The following NUP62CL variants were observed in gnomAD, a reference collection of about 807,000 sequenced individuals.
NUP62CL encodes nucleoporin-62 C-terminal-like protein.
A neutral mutation model predicts 15.3 loss-of-function variants in NUP62CL; 13 were observed. That is an observed-to-expected ratio of 0.85 (90% CI 0.55 to 1.35). The LOEUF (loss-of-function observed/expected upper bound fraction) is 1.35, where lower values mean the gene tolerates loss of function less well. Among genes scored for constraint, NUP62CL ranks in the 40% most tolerant of loss-of-function variants. The pLI is 0.00. For missense variants in NUP62CL, 123 were observed against 130.6 expected (o/e 0.94, Z 0.28); for synonymous variants, 54 against 49.2 (o/e 1.10, Z -0.41).
intron 8 of NUP62CL, among the ~76,000 whole-genome samples, chrX:107,141,084 A>G (rs1009328002): frequency 4.4e-5 from 5 of 112,714 alleles, no homozygotes; most frequent in African/African-American, 1.3e-4. Flanking sequence ...CAAAATGTAC[A>G]TAAGTAGGAT....
intron 8 of NUP62CL, among the ~76,000 whole-genome samples, chrX:107,130,644 A>C (rs1482262024): frequency 8.9e-6 from 1 of 111,829 alleles, no homozygotes; most frequent in Non-Finnish European, 1.9e-5. Context: ...CAAGAAAGCA[A>C]CAATTAAGGA....
chrX:107,202,731 C>G (rs1306290122), intron 1 of NUP62CL: 1 of 102,803 alleles, frequency 9.7e-6, no homozygotes, highest in Non-Finnish European at 2.0e-5. Flanking sequence ...CCCAGTGGCT[C>G]ACACCTGCAA....
chrX:107,159,974 C>G (rs1255422978), intron 4 of NUP62CL, among the ~76,000 whole-genome samples: 2 of 106,815 alleles, frequency 1.9e-5, no homozygotes, highest in African/African-American at 6.9e-5. Context: ...ACAAGTATTC[C>G]TATACACCAA....
At chrX:107,200,289 T>A (rs767361270) in intron 1 of NUP62CL, among the ~76,000 whole-genome samples, 1 of 111,465 alleles carries the variant, frequency 9.0e-6, no homozygotes, top group South Asian at 3.8e-4. Context: ...CAAATGAGGA[T>A]GGATCAATTC....
chrX:107,200,583 C>A (rs1228550092), intron 1 of NUP62CL, among the ~76,000 whole-genome samples: 1 of 105,954 alleles, frequency 9.4e-6, no homozygotes, highest in Non-Finnish European at 1.9e-5. Flanking sequence ...CGCGCCACTG[C>A]ACTCCATCCT....
At chrX:107,179,320 T>G (rs188580745) in intron 2 of NUP62CL, among the ~76,000 whole-genome samples, 1,249 of 111,210 alleles carry the variant, frequency 0.011, 12 homozygotes, top group Non-Finnish European at 0.017. Flanking sequence ...ATAGATATAT[T>G]GCATAATAGT....
chrX:107,134,324 G>A (rs1324128776), intron 8 of NUP62CL, among the ~76,000 whole-genome samples: 1 of 111,963 alleles, frequency 8.9e-6, no homozygotes, highest in African/African-American at 3.2e-5. Flanking sequence ...TATTGTTTCT[G>A]ACTACAAAAA....
At chrX:107,135,353 AG>A (rs761050540) in intron 8 of NUP62CL, among the ~76,000 whole-genome samples, 1 of 112,027 alleles carries the variant, frequency 8.9e-6, no homozygotes, top group East Asian at 2.8e-4. Flanking sequence ...TAAAGGCTTA[AG>A]GGGAAGCAGG....
chrX:107,171,898 G>A (rs1247166058), intron 3 of NUP62CL, among the ~76,000 whole-genome samples: 1 of 109,966 alleles, frequency 9.1e-6, no homozygotes, highest in Non-Finnish European at 1.9e-5. Context: ...ATTGTTTTAT[G>A]GGGAAATGTG....
intron 8 of NUP62CL, among the ~76,000 whole-genome samples, chrX:107,136,489 C>T (rs777047606): frequency 1.8e-5 from 2 of 111,750 alleles, no homozygotes; most frequent in East Asian, 5.6e-4. Context: ...TTCTACCAAG[C>T]ACTTAAAGAA....
chrX:107,202,910 C>T (rs1014034454), intron 1 of NUP62CL, among the ~76,000 whole-genome samples: 1 of 99,382 alleles, frequency 1.0e-5, no homozygotes, highest in African/African-American at 3.7e-5. Flanking sequence ...CCCCAGAGGT[C>T]GAGGCTGCAG....
At chrX:107,183,285 A>T (rs1333845595) in intron 2 of NUP62CL, among the ~76,000 whole-genome samples, 4 of 109,675 alleles carry the variant, frequency 3.6e-5, no homozygotes, top group Non-Finnish European at 5.7e-5. Flanking sequence ...CTAAAACCCC[A>T]GGACGTTACA....
At chrX:107,151,088 G>A in intron 7 of NUP62CL, 1 of 274,278 alleles carries the variant, frequency 3.6e-6, no homozygotes, top group Non-Finnish European at 7.1e-6. Context: ...TCTTTTCAGT[G>A]GAGCTCAGTT....
intron 2 of NUP62CL, among the ~76,000 whole-genome samples, chrX:107,185,713 C>CTTA (rs774527187): frequency 1.8e-5 from 2 of 111,808 alleles, no homozygotes; most frequent in Non-Finnish European, 3.8e-5. Flanking sequence ...AAATGACACA[C>CTTA]TTAAGCCCTA....
chrX:107,191,183 A>G (rs1049580386), intron 2 of NUP62CL, among the ~76,000 whole-genome samples: 1 of 100,387 alleles, frequency 1.0e-5, no homozygotes, highest in Admixed American at 1.2e-4. Flanking sequence ...GCAACTAGAT[A>G]ACATGGCTCC....
chrX:107,185,196 CAAAAAAAA>C (rs3072235), intron 2 of NUP62CL, among the ~76,000 whole-genome samples: 1 of 20,979 alleles, frequency 4.8e-5, no homozygotes, highest in East Asian at 1.4e-3. Context: ...GACTCCGTCT[CAAAAAAAA>C]AAAAAAAAAA....
chrX:107,169,202 T>C (rs1221036910), intron 3 of NUP62CL, among the ~76,000 whole-genome samples: 1 of 111,468 alleles, frequency 9.0e-6, no homozygotes, highest in East Asian at 2.8e-4. Context: ...TTGATAGGAC[T>C]GACAGAAGAA....
At chrX:107,173,146 T>TTAAA (rs1225354809) in intron 3 of NUP62CL, among the ~76,000 whole-genome samples, 2 of 112,482 alleles carry the variant, frequency 1.8e-5, no homozygotes, top group East Asian at 5.6e-4. Flanking sequence ...CTATTACCCT[T>TTAAA]TAAATCAAAA....
intron 2 of NUP62CL, among the ~76,000 whole-genome samples, chrX:107,176,558 GTT>G (rs35773342): frequency 2.8e-4 from 28 of 101,124 alleles, no homozygotes; most frequent in African/African-American, 6.4e-4. Flanking sequence ...TGGGTATAGG[GTT>G]TTTTTTTTTG....
Sources: allele counts gnomAD v4.1 joint callset (sites outside exome capture counted in the v4.1 genomes callset), GRCh38; gene constraint gnomAD v4.1.1; transcripts MANE v1.5; gene names NCBI Gene and HGNC (gene_info 2026-07-23, HGNC 2026-07-21).